Variants in MICAL2 observed in about 807,000 individuals in gnomAD.
MICAL2 encodes [F-actin]-monooxygenase MICAL2.
MICAL2 carries 77 observed loss-of-function variants against 127.3 expected under a neutral mutation model. That is an observed-to-expected ratio of 0.60 (90% CI 0.50 to 0.73). MICAL2 has a LOEUF of 0.73. Among genes scored for constraint, MICAL2 ranks in the 30% least tolerant of loss-of-function variants. The probability of loss-of-function intolerance (pLI) is 0.00; values close to 1 mark genes in which losing one functional copy is unlikely to be tolerated. For missense variants in MICAL2, 1,351 were observed against 1,434.4 expected (o/e 0.94, Z 0.94); for synonymous variants, 570 against 551.1 (o/e 1.03, Z -0.48).
chr11:12,358,312 A>G (rs1187668777), exon 35 of MICAL2: 1 of 1,613,972 alleles, frequency 6.2e-7, no homozygotes, highest in South Asian at 1.1e-5. Context: ...GAAAGATGAG[A>G]AGGATCTAAA....
chr11:12,169,775 C>T (rs867514342), intron 3 of MICAL2, among the ~76,000 whole-genome samples: 3 of 152,150 alleles, frequency 2.0e-5, no homozygotes, highest in South Asian at 2.1e-4. Context: ...TGTTTGTATA[C>T]GTGTGAAATT....
intron 21 of MICAL2, among the ~76,000 whole-genome samples, chr11:12,247,634 C>T (rs1383689147): frequency 6.6e-6 from 1 of 152,200 alleles, no homozygotes; most frequent in Non-Finnish European, 1.5e-5. Flanking sequence ...ATATTGCCAG[C>T]CTCACCCATT....
rs148774299 is a variant in MICAL2, at chr11:12,126,638, T to G, written c.-148-11752T>G. ...GCTCTGTGCTGTGGGGATGACAAGA[T>G]GCATAAGGCTCAACTTCTCCTCCTA... On this transcript the variant is annotated intron_variant, in intron 1 of 27. Transcript: ENST00000683283. 2.6e-3 allele frequency among the ~76,000 whole-genome samples: 390 copies of G among 150,320 alleles called. 3 individuals are homozygous for G. Among genetic ancestry groups the G allele is most frequent in the African/African-American group, 8.6e-3 (350 of 40,874 alleles).
chr11:12,330,228 C>T (rs905841349), intron 32 of MICAL2, among the ~76,000 whole-genome samples: 19 of 152,278 alleles, frequency 1.2e-4, no homozygotes. Context: ...ATATTCTATT[C>T]AGTCCCTTTA....
intron 3 of MICAL2, among the ~76,000 whole-genome samples, chr11:12,188,166 C>T (rs1250907139): frequency 1.3e-5 from 2 of 152,152 alleles, no homozygotes; most frequent in Admixed American, 6.5e-5. Flanking sequence ...ATTTTAAAGG[C>T]TTAGTATAAA....
chr11:12,149,665 C>T (rs184722026), intron 2 of MICAL2, among the ~76,000 whole-genome samples: 4 of 152,250 alleles, frequency 2.6e-5, no homozygotes, highest in East Asian at 1.9e-4. Context: ...TGCAGAGTCA[C>T]GATGGTGCTG....
At chr11:12,183,852 T>G (rs1857807165) in intron 3 of MICAL2, among the ~76,000 whole-genome samples, 1 of 152,152 alleles carries the variant, frequency 6.6e-6, no homozygotes, top group Admixed American at 6.5e-5. Context: ...ACAAATCAGC[T>G]CACTGCAACC....
chr11:12,209,448 CT>C, intron 5 of MICAL2, 48 bp from the exon 6 acceptor site: 1 of 1,454,726 alleles, frequency 6.9e-7, no homozygotes. Context: ...TATAATCATT[CT>C]CTTCCCACCT....
intron 3 of MICAL2, among the ~76,000 whole-genome samples, chr11:12,178,325 A>G (rs1234741562): frequency 3.3e-5 from 5 of 152,192 alleles, no homozygotes. Flanking sequence ...GAGCTAAATA[A>G]GAGTAACCAT....
At chr11:12,172,356 T>G (rs1358275918) in intron 3 of MICAL2, among the ~76,000 whole-genome samples, 1 of 152,230 alleles carries the variant, frequency 6.6e-6, no homozygotes, top group Non-Finnish European at 1.5e-5. Context: ...AGATGCTTAG[T>G]AGGTGTTTGG....
chr11:12,258,452 G>A lies in MICAL2; in HGVS notation c.3143-16G>A, dbSNP rs2270514. Reference sequence around the variant, plus strand: ...AGGAGAAAAATTTTTCTGTATGTGTGTGCCTCTTTTTACAGGCAAATTTTA... The same window carrying A: ...AGGAGAAAAATTTTTCTGTATGTGTATGCCTCTTTTTACAGGCAAATTTTA... On this transcript the variant is annotated splice_polypyrimidine_tract_variant and intron_variant, in intron 24 of 27. Coordinates refer to ENST00000683283, the MANE Select transcript of MICAL2 (RefSeq NM_001282663.2). 15,986 of 1,607,316 alleles carry A rather than the reference G, an allele frequency of 9.9e-3. 317 individuals carry two copies. Among genetic ancestry groups the A allele is most frequent in the East Asian group, 0.091 (4,079 of 44,848 alleles).
chr11:12,259,685 G>T (rs1413867479), intron 25 of MICAL2, 110 bp from the exon 26 acceptor site: 7 of 970,164 alleles, frequency 7.2e-6, no homozygotes, highest in Non-Finnish European at 1.0e-5. Flanking sequence ...ATTATTGTGG[G>T]GGCTGGTTGC....
chr11:12,120,085 T>C (rs1458410820), intron 1 of MICAL2, among the ~76,000 whole-genome samples: 1 of 152,232 alleles, frequency 6.6e-6, no homozygotes, highest in East Asian at 1.9e-4. Flanking sequence ...GAATTTATGC[T>C]GTGTACGCTT....
chr11:12,155,709 G>A (rs1854112655), intron 2 of MICAL2, among the ~76,000 whole-genome samples: 1 of 152,198 alleles, frequency 6.6e-6, no homozygotes, highest in Non-Finnish European at 1.5e-5. Context: ...AAAAAAGAAA[G>A]AAAAAAGTCT....
intron 21 of MICAL2, among the ~76,000 whole-genome samples, chr11:12,244,859 A>G (rs562106620): frequency 6.6e-6 from 1 of 152,350 alleles, no homozygotes; most frequent in East Asian, 1.9e-4. Context: ...CTCTGTGTAA[A>G]GGAATTTCAT....
intron 1 of MICAL2, chr11:12,121,509 A>T (rs1414833172): frequency 6.6e-6 from 1 of 152,414 alleles, no homozygotes; most frequent in East Asian, 1.9e-4. Context: ...ACAGCCTCAC[A>T]ATCACCTGAA....
intron 9 of MICAL2, among the ~76,000 whole-genome samples, chr11:12,221,438 G>A (rs550389153): frequency 2.6e-5 from 4 of 152,282 alleles, no homozygotes; most frequent in East Asian, 1.9e-4. Flanking sequence ...CTATGCCTGC[G>A]TCATAGCACC....
intron 22 of MICAL2, among the ~76,000 whole-genome samples, chr11:12,251,635 G>C (rs985814470): frequency 6.6e-6 from 1 of 151,154 alleles, no homozygotes; most frequent in South Asian, 2.1e-4. Context: ...TGGATGTGTG[G>C]GTGCCACGGG....
downstream of MICAL2, among the ~76,000 whole-genome samples, chr11:12,287,622 C>G (rs1863842158): frequency 6.6e-6 from 1 of 152,194 alleles, no homozygotes; most frequent in East Asian, 1.9e-4. Flanking sequence ...TGCACACGCA[C>G]ACACACTCAC....
Sources: allele counts gnomAD v4.1 joint callset (sites outside exome capture counted in the v4.1 genomes callset), GRCh38; gene constraint gnomAD v4.1.1; transcripts MANE v1.5; gene names NCBI Gene and HGNC (gene_info 2026-07-23, HGNC 2026-07-21).